Variants in KDM7A observed in about 807,000 individuals in gnomAD.
KDM7A encodes lysine demethylase 7A, also known as lysine-specific demethylase 7A.
A neutral mutation model predicts 114.8 loss-of-function variants in KDM7A; 28 were observed. The observed-to-expected ratio is 0.24, with a 90% CI of 0.18 to 0.33. The LOEUF (loss-of-function observed/expected upper bound fraction) is 0.33, where lower values mean the gene tolerates loss of function less well. Ranked by LOEUF, KDM7A falls within the 10% of genes least tolerant of loss-of-function variation. The probability of loss-of-function intolerance (pLI) is 1.00; values close to 1 mark genes in which losing one functional copy is unlikely to be tolerated. For missense variants in KDM7A, 942 were observed against 1,142.5 expected (o/e 0.82, Z 2.53); for synonymous variants, 423 against 397.8 (o/e 1.06, Z -0.75).
intron 1 of KDM7A, among the ~76,000 whole-genome samples, chr7:140,145,983 T>C (rs1794335441): frequency 6.6e-6 from 1 of 152,216 alleles, no homozygotes; most frequent in African/African-American, 2.4e-5. Flanking sequence ...TCTTCAATGA[T>C]GTATGAGTTC....
chr7:140,126,186 T>A (rs1168876494), intron 6 of KDM7A, among the ~76,000 whole-genome samples: 1 of 152,174 alleles, frequency 6.6e-6, no homozygotes, highest in African/African-American at 2.4e-5. Context: ...GCTGGGATTA[T>A]AGGTGTAAGC....
At chr7:140,128,637 C>T (rs573382812) in intron 4 of KDM7A, among the ~76,000 whole-genome samples, 2 of 152,174 alleles carry the variant, frequency 1.3e-5, no homozygotes, top group Admixed American at 6.5e-5. Context: ...TGTGAAGTTA[C>T]AATACTTAGT....
At chr7:140,168,793 T>C (rs547961553) in intron 1 of KDM7A, among the ~76,000 whole-genome samples, 1 of 152,196 alleles carries the variant, frequency 6.6e-6, no homozygotes, top group East Asian at 1.9e-4. Flanking sequence ...CACAAAAATA[T>C]AGGTTAGCAA....
At chr7:140,116,714 AAC>A (rs1455682693) in intron 9 of KDM7A, among the ~76,000 whole-genome samples, 3 of 137,442 alleles carry the variant, frequency 2.2e-5, no homozygotes, top group Non-Finnish European at 4.8e-5. Context: ...AGTAAATATA[AAC>A]ACACATCAAC....
At chr7:140,171,302 T>C (rs1045234036) in intron 1 of KDM7A, among the ~76,000 whole-genome samples, 29 of 112,744 alleles carry the variant, frequency 2.6e-4, no homozygotes, top group African/African-American at 1.0e-3. Context: ...CTACTAAAAA[T>C]ACAAAAAAAA....
intron 1 of KDM7A, among the ~76,000 whole-genome samples, chr7:140,162,892 A>T (rs1794535713): frequency 6.6e-6 from 1 of 152,192 alleles, no homozygotes; most frequent in African/African-American, 2.4e-5. Context: ...AATTCTATGC[A>T]GCTACTAAAA....
chr7:140,138,326 T>G (rs1441413105), intron 2 of KDM7A, among the ~76,000 whole-genome samples: 28 of 151,964 alleles, frequency 1.8e-4, no homozygotes, highest in Non-Finnish European at 7.4e-5. Context: ...AAAAAAAAAT[T>G]TATAACATAA....
intron 1 of KDM7A, among the ~76,000 whole-genome samples, chr7:140,164,267 C>T (rs919177182): frequency 1.3e-5 from 2 of 152,058 alleles, no homozygotes; most frequent in Admixed American, 6.5e-5. Flanking sequence ...TTTGCAAGGA[C>T]GGGGGGAGGG....
At chr7:140,154,499 TAAAA>T (rs397974321) in intron 1 of KDM7A, among the ~76,000 whole-genome samples, 1 of 74,298 alleles carries the variant, frequency 1.3e-5, no homozygotes, top group Non-Finnish European at 2.9e-5. Context: ...CTCTTAAAAT[TAAAA>T]AAAAAAAAAA....
In KDM7A at chr7:140,085,502, C is replaced by T. The variant is rs538569615; in HGVS notation, c.*5592G>A. 9 of 152,266 alleles carry T rather than the reference C, an allele frequency of 5.9e-5. No individual in the cohort carries two copies. In the South Asian group the frequency reaches 1.5e-3, roughly 25 times the overall value. 9.4% of individuals were successfully genotyped at this position (152,266 alleles called of 1,614,324 possible). The stretch of plus-strand genomic sequence containing the variant: ...AATGAACCTTTTCACCCTCTTTCCA[C>T]AGCATGAAACTGTTATGGCTTAATT... On this transcript the variant is annotated 3_prime_UTR_variant, in exon 20 of 20. Coordinates refer to ENST00000397560, the MANE Select transcript of KDM7A (RefSeq NM_030647.2).
intron 1 of KDM7A, among the ~76,000 whole-genome samples, chr7:140,175,696 G>A (rs1254411412): frequency 6.6e-6 from 1 of 152,178 alleles, no homozygotes; most frequent in Non-Finnish European, 1.5e-5. Context: ...CCTGGCTGCG[G>A]AGGCGGCCCG....
chr7:140,168,497 G>C (rs1010580488), intron 1 of KDM7A, among the ~76,000 whole-genome samples: 9 of 152,038 alleles, frequency 5.9e-5, no homozygotes, highest in Admixed American at 4.6e-4. Flanking sequence ...GAGCCTGAGA[G>C]GTCGAGGCTG....
Position 140,126,624 on chromosome 7 carries a change from ACCCC to A in KDM7A, c.888+9_888+12del. 1 of 1,553,982 alleles carries A rather than the reference ACCCC, an allele frequency of 6.4e-7. No individual in the cohort carries two copies. The highest frequency in any genetic ancestry group is 2.3e-5 in the East Asian group (1 of 43,382). The stretch of plus-strand genomic sequence containing the variant: ...TTTTGTCAGTGAGAGAACAAAAAAT[ACCCC>A]AATCTTACCCAGAGGACATGGTACC... On this transcript the variant is annotated intron_variant, in intron 6 of 19. Transcript: ENST00000397560.
intron 11 of KDM7A, among the ~76,000 whole-genome samples, chr7:140,109,662 A>G (rs1818400685): frequency 6.6e-6 from 1 of 152,220 alleles, no homozygotes; most frequent in Non-Finnish European, 1.5e-5. Flanking sequence ...ACAAAATGAT[A>G]TGTTTATACT....
chr7:140,101,519 T>TC (rs1319011702), intron 12 of KDM7A, among the ~76,000 whole-genome samples: 1 of 152,120 alleles, frequency 6.6e-6, no homozygotes, highest in Non-Finnish European at 1.5e-5. Flanking sequence ...CTTTACCCCA[T>TC]CCCCCTTTAT....
intron 1 of KDM7A, among the ~76,000 whole-genome samples, chr7:140,152,384 G>C (rs559620583): frequency 6.6e-6 from 1 of 152,248 alleles, no homozygotes; most frequent in East Asian, 1.9e-4. Context: ...TAGCACTCTG[G>C]GAGGCCAAGG....
intron 12 of KDM7A, among the ~76,000 whole-genome samples, chr7:140,101,235 C>G (rs62491382): frequency 0.062 from 9,486 of 152,150 alleles, 371 homozygotes; most frequent in Non-Finnish European, 0.09. Flanking sequence ...TCTGCAAAGG[C>G]GCTACACTGA....
chr7:140,161,864 G>A (rs141179515), intron 1 of KDM7A, among the ~76,000 whole-genome samples: 2 of 152,024 alleles, frequency 1.3e-5, no homozygotes, highest in East Asian at 3.9e-4. Flanking sequence ...GTATTCAAGG[G>A]ATACTGTATA....
rs758963637 is a variant in KDM7A at position 140,091,987 on chromosome 7, C to T, written c.2548G>A (p.Gly850Ser). 1.2e-5 allele frequency: 19 copies of T among 1,614,014 alleles called. No individual in the cohort carries two copies. The East Asian group carries it at 3.1e-4, about 27-fold the overall frequency. Residue 850 changes from glycine to serine, a missense_variant, in exon 19 of 20, where the codon GGC becomes AGC. Transcript: ENST00000397560. ...TACTTTCCATTCTGAAGGCTTGAGCCGCTGCTGTCCACATAATTCCTACTT... is the reference window on the plus strand; with the variant it reads ...TACTTTCCATTCTGAAGGCTTGAGCTGCTGCTGTCCACATAATTCCTACTT... ...VQSRNYVDSS[G>S]SSLQNGKYMQ...
Sources: allele counts gnomAD v4.1 joint callset (sites outside exome capture counted in the v4.1 genomes callset), GRCh38; gene constraint gnomAD v4.1.1; transcripts MANE v1.5; gene names NCBI Gene and HGNC (gene_info 2026-07-23, HGNC 2026-07-21).